Variants in DPP6 observed in about 807,000 individuals in gnomAD.
DPP6 encodes the protein A-type potassium channel modulatory protein DPP6.
DPP6 carries 69 observed loss-of-function variants against 122.6 expected under a neutral mutation model. That is an observed-to-expected ratio of 0.56 (90% CI 0.46 to 0.69). DPP6 has a LOEUF of 0.69. Among genes scored for constraint, DPP6 ranks in the 30% least tolerant of loss-of-function variants. DPP6 has a pLI of 0.00. For missense variants in DPP6, 928 were observed against 1,116.9 expected (o/e 0.83, Z 2.41); for synonymous variants, 418 against 433.1 (o/e 0.97, Z 0.43).
At chr7:154,817,938 A>G (rs982666864) in intron 16 of DPP6, among the ~76,000 whole-genome samples, 12 of 152,302 alleles carry the variant, frequency 7.9e-5, no homozygotes, top group Admixed American at 7.2e-4. Context: ...TGGCAGCCAC[A>G]TGCCATGCAT....
At chr7:154,439,971 C>T (rs1819222128) in intron 1 of DPP6, among the ~76,000 whole-genome samples, 1 of 152,166 alleles carries the variant, frequency 6.6e-6, no homozygotes, top group South Asian at 2.1e-4. Flanking sequence ...GACGTCCCTT[C>T]TCCACATGGA....
chr7:153,892,093 A>G (rs1328497769), intron 1 of DPP6, among the ~76,000 whole-genome samples: 1 of 152,202 alleles, frequency 6.6e-6, no homozygotes, highest in Non-Finnish European at 1.5e-5. Flanking sequence ...GGATCTTTTC[A>G]GAACTATTGT....
At chr7:153,810,974 A>G in the DPP6 span, among the ~76,000 whole-genome samples, 2 of 151,984 alleles carry the variant, frequency 1.3e-5, no homozygotes, top group Non-Finnish European at 2.9e-5. Context: ...TGGCCAGCCT[A>G]TGCTTTAACC....
At chr7:154,748,016 G>A (rs555902713) in intron 8 of DPP6, among the ~76,000 whole-genome samples, 1 of 152,190 alleles carries the variant, frequency 6.6e-6, no homozygotes, top group East Asian at 1.9e-4. Flanking sequence ...TGACAATAAT[G>A]TCTGAATAAC....
intron 7 of DPP6, among the ~76,000 whole-genome samples, chr7:154,707,178 G>T (rs1840877964): frequency 6.6e-6 from 1 of 152,140 alleles, no homozygotes; most frequent in Non-Finnish European, 1.5e-5. Flanking sequence ...GGTCCTCTGT[G>T]GTAAGGATTG....
chr7:153,891,188 A>G (rs1303450486), intron 1 of DPP6, among the ~76,000 whole-genome samples: 5 of 147,594 alleles, frequency 3.4e-5, no homozygotes, highest in Non-Finnish European at 4.5e-5. Context: ...TGCCCGGCTA[A>G]TTTTTTTGTA....
At chr7:154,475,820 G>A (rs925889650) in intron 3 of DPP6, 5 of 152,302 alleles carry the variant, frequency 3.3e-5, no homozygotes, top group African/African-American at 1.2e-4. Flanking sequence ...TACACTTGAA[G>A]GTTTATCCTC....
chr7:154,051,635 T>TG (rs1403335415), upstream of DPP6, among the ~76,000 whole-genome samples: 1 of 148,512 alleles, frequency 6.7e-6, no homozygotes, highest in Non-Finnish European at 1.5e-5. Context: ...GCGCAGGCTT[T>TG]GGAAAAGTTG....
chr7:154,513,808 C>T (rs918728631), intron 3 of DPP6, among the ~76,000 whole-genome samples: 3 of 152,158 alleles, frequency 2.0e-5, no homozygotes, highest in African/African-American at 4.8e-5. Flanking sequence ...ACCCTGGGCA[C>T]GTGCCACCCA....
intron 5 of DPP6, among the ~76,000 whole-genome samples, chr7:154,567,202 T>C (rs1830815698): frequency 6.6e-6 from 1 of 152,212 alleles, no homozygotes; most frequent in African/African-American, 2.4e-5. Flanking sequence ...CTTGCCCTTT[T>C]GTGCAATTAT....
the DPP6 span, among the ~76,000 whole-genome samples, chr7:153,809,565 A>G: frequency 6.6e-6 from 1 of 152,108 alleles, no homozygotes; most frequent in African/African-American, 2.4e-5. Flanking sequence ...CTTCCTACCT[A>G]GAATGTTTGA....
chr7:154,399,748 A>C (rs1226956934), intron 1 of DPP6, among the ~76,000 whole-genome samples: 22 of 151,992 alleles, frequency 1.4e-4, no homozygotes, highest in Admixed American at 1.4e-3. Flanking sequence ...GGGGTGGGGG[A>C]GGGACCCATC....
intron 1 of DPP6, among the ~76,000 whole-genome samples, chr7:154,401,115 C>T (rs529404908): frequency 1.9e-4 from 29 of 151,660 alleles, no homozygotes; most frequent in African/African-American, 4.4e-4. Context: ...GAGAATCACT[C>T]GAACCTGGGA....
rs1415383712 is a variant in DPP6 at position 154,821,067 on chromosome 7, C to T, written c.1666+13955C>T. Among the ~76,000 whole-genome samples the T allele has an allele frequency of 6.6e-6, 1 of 152,166 alleles. No individual in the cohort carries two copies. The highest frequency in any genetic ancestry group is 6.5e-5 in the Admixed American group (1 of 15,276). On this transcript the variant is annotated intron_variant, in intron 16 of 25. Transcript: ENST00000377770. The surrounding 1 kb of genome is among the most constrained non-coding windows in gnomAD (Gnocchi z 4.2). ...GGATGCCCTTCTGGCTACTGTACTT[C>T]AAGATGTTCTCTGCAGAGGGTCATT...
intron 3 of DPP6, among the ~76,000 whole-genome samples, chr7:154,512,490 A>T (rs1586502476): frequency 6.6e-6 from 1 of 152,364 alleles, no homozygotes. Context: ...CTCATGGGTG[A>T]AGAAAAGAGA....
intron 1 of DPP6, among the ~76,000 whole-genome samples, chr7:154,182,042 G>A (rs956809363): frequency 6.6e-6 from 1 of 152,176 alleles, no homozygotes; most frequent in African/African-American, 2.4e-5. Context: ...GTGTGCCACC[G>A]TGCCTGGCCG....
intron 7 of DPP6, among the ~76,000 whole-genome samples, chr7:154,724,691 A>T (rs73498016): frequency 0.012 from 1,781 of 151,898 alleles, 36 homozygotes; most frequent in African/African-American, 0.04. Context: ...CTCCTGTATG[A>T]TTCCGCTTGT....
intron 1 of DPP6, among the ~76,000 whole-genome samples, chr7:154,316,986 T>C (rs1030835581): frequency 2.0e-5 from 3 of 152,084 alleles, no homozygotes; most frequent in South Asian, 2.1e-4. Context: ...ATAACAGCTG[T>C]GACTGTTACC....
chr7:153,756,722 C>T, the DPP6 span, among the ~76,000 whole-genome samples: 8 of 151,904 alleles, frequency 5.3e-5, no homozygotes, highest in South Asian at 1.7e-3. Context: ...AAACTTAAAT[C>T]ATCCCCAAGT....
Sources: allele counts gnomAD v4.1 joint callset (sites outside exome capture counted in the v4.1 genomes callset), GRCh38; gene constraint gnomAD v4.1.1; non-coding constraint Gnocchi (gnomAD v3.1); transcripts MANE v1.5; gene names NCBI Gene and HGNC (gene_info 2026-07-23, HGNC 2026-07-21).